Variants in FAM168B observed in about 807,000 individuals in gnomAD.
The protein encoded by FAM168B is myelin-associated neurite-outgrowth inhibitor.
FAM168B carries 19 observed loss-of-function variants against 21.8 expected under a neutral mutation model. The ratio of observed to expected loss-of-function variants is 0.87; its 90% CI spans 0.61 to 1.28. The LOEUF is 1.28. FAM168B is among the 50% of genes most tolerant of loss of function. The probability of loss-of-function intolerance (pLI) is 0.00; values close to 1 mark genes in which losing one functional copy is unlikely to be tolerated. For synonymous variants in FAM168B, 126 were observed against 104.8 expected (o/e 1.20, Z -1.24); for missense variants, 233 against 263.1 (o/e 0.89, Z 0.79).
chr2:131,077,821 A>G (rs1366238004), intron 2 of FAM168B, among the ~76,000 whole-genome samples: 1 of 152,254 alleles, frequency 6.6e-6, no homozygotes, highest in Non-Finnish European at 1.5e-5. Flanking sequence ...CCCAGCAGAC[A>G]GCAAAAACCA....
intron 2 of FAM168B, among the ~76,000 whole-genome samples, chr2:131,075,662 G>T (rs1370708374): frequency 6.6e-6 from 1 of 151,922 alleles, no homozygotes; most frequent in Non-Finnish European, 1.5e-5. Flanking sequence ...CTAATTTTTT[G>T]TATTTTTAGT....
rs935679803 is a variant in FAM168B, at chr2:131,048,492, G to A, written c.*3973C>T. On this transcript the variant is annotated 3_prime_UTR_variant, in exon 7 of 7. Coordinates refer to ENST00000389915, the MANE Select transcript of FAM168B (RefSeq NM_001009993.4). ...CTTCAGTCCTGTGGACCAAGATAAG[G>A]CTATCCCCACAGGCTCTCTCTTCTT... The A allele has an allele frequency of 8.8e-7, 1 of 1,130,272 alleles. No individual in the cohort carries two copies. Among genetic ancestry groups the A allele is most frequent in the Non-Finnish European group, 1.1e-6 (1 of 900,930 alleles). 70.0% of individuals were successfully genotyped at this position (1,130,272 alleles called of 1,614,324 possible).
intron 3 of FAM168B, among the ~76,000 whole-genome samples, chr2:131,061,102 T>C (rs1219770978): frequency 2.0e-5 from 3 of 148,604 alleles, no homozygotes; most frequent in Non-Finnish European, 3.0e-5. Flanking sequence ...CCACCCACCT[T>C]GGCCTCCCAA....
chr2:131,083,450 G>C (rs1460760918), intron 1 of FAM168B, among the ~76,000 whole-genome samples: 1 of 152,212 alleles, frequency 6.6e-6, no homozygotes, highest in Non-Finnish European at 1.5e-5. Flanking sequence ...TGAGGCACAA[G>C]AATCACTTGA....
Position 131,074,727 on chromosome 2 carries a change from G to C in FAM168B, c.71-2789C>G, listed in dbSNP as rs1328492285. On this transcript the variant is annotated intron_variant, in intron 2 of 6. Transcript: ENST00000389915. ...AAGCCCTAAGGTTGAGGTAAAAACA[G>C]GGGGGATCTGAGTGGAATGCCAAAA... Among the ~76,000 whole-genome samples, 4 of 152,100 alleles carry C rather than the reference G, an allele frequency of 2.6e-5. No individual in the cohort carries two copies. The East Asian group carries it at 5.8e-4, about 22-fold the overall frequency.
At chr2:131,070,731 G>A (rs756187363) in intron 3 of FAM168B, among the ~76,000 whole-genome samples, 1 of 152,116 alleles carries the variant, frequency 6.6e-6, no homozygotes, top group Non-Finnish European at 1.5e-5. Flanking sequence ...ACAATAAAAA[G>A]GAATGAACTG....
At chr2:131,074,897 T>G (rs965964201) in intron 2 of FAM168B, among the ~76,000 whole-genome samples, 3 of 152,170 alleles carry the variant, frequency 2.0e-5, no homozygotes, top group African/African-American at 4.8e-5. Flanking sequence ...GAGGCATCAG[T>G]GTCACCAAGC....
At position 131,048,644 on chromosome 2, in the gene FAM168B, TA is replaced by T. The variant is rs926140455; in HGVS notation, c.*3820del. On this transcript the variant is annotated 3_prime_UTR_variant, in exon 7 of 7. Transcript: ENST00000389915. ...CCCTGGAGCCCTCAGGACCTACTGA[TA>T]AAGCATGTCCTCTGCAGTATACTCA... The T allele has an allele frequency of 3.8e-6, 4 of 1,041,696 alleles. No homozygotes were observed. The African/African-American group carries it at 6.8e-5, about 18-fold the overall frequency. 64.5% of individuals were successfully genotyped at this position (1,041,696 alleles called of 1,614,324 possible).
chr2:131,055,626 G>C lies in FAM168B; in HGVS notation c.224C>G (p.Ser75Cys). 1 of 1,612,738 alleles carries C rather than the reference G, an allele frequency of 6.2e-7. No individual in the cohort carries two copies. Among genetic ancestry groups the C allele is most frequent in the Non-Finnish European group, 8.5e-7 (1 of 1,179,316 alleles). ...PTSGAVPPYS[S>C]SPNPYQTAVY... ...GGCAGTCTGGTAGGGGTTCGGGGAG[G>C]AGGAGTACGGTGGCACAGCCCCGCT... The change falls in exon 4 of 7, where the codon TCC (serine) becomes TGC (cysteine). Residue 75 changes from serine (S) to cysteine (C), a missense_variant. Coordinates refer to ENST00000389915, the MANE Select transcript of FAM168B (RefSeq NM_001009993.4).
chr2:131,083,026 G>C (rs1343095538), intron 1 of FAM168B, among the ~76,000 whole-genome samples: 1 of 152,072 alleles, frequency 6.6e-6, no homozygotes, highest in African/African-American at 2.4e-5. Context: ...TTTGAGACCA[G>C]CCTGGCCAAC....
chr2:131,081,855 T>C (rs1002984618), intron 2 of FAM168B, among the ~76,000 whole-genome samples: 2 of 152,242 alleles, frequency 1.3e-5, no homozygotes, highest in South Asian at 2.1e-4. Context: ...AGTTCAGTTA[T>C]ACATTTGTAA....
intron 1 of FAM168B, among the ~76,000 whole-genome samples, chr2:131,084,778 G>A (rs1693598395): frequency 6.6e-6 from 1 of 151,758 alleles, no homozygotes; most frequent in Non-Finnish European, 1.5e-5. Flanking sequence ...ACGTGGTCTC[G>A]CTCTGCCAGT....
Position 131,048,222 on chromosome 2 carries a change from A to C in FAM168B, c.*4243T>G. ...GTTTCTTCTTTAGTTACAATCCATG[A>C]GGCTCTCTAGGGCCTCTCCGTGTGG... On this transcript the variant is annotated 3_prime_UTR_variant, in exon 7 of 7. Coordinates refer to ENST00000389915, the MANE Select transcript of FAM168B (RefSeq NM_001009993.4). 1 of 1,293,292 alleles carries C rather than the reference A, an allele frequency of 7.7e-7. No individual in the cohort carries two copies. The highest frequency in any genetic ancestry group is 1.0e-6 in the Non-Finnish European group (1 of 981,058). The allele number at this position is 1,293,292 out of a possible 1,614,324, so 80.1% of individuals were successfully genotyped here.
intron 2 of FAM168B, among the ~76,000 whole-genome samples, chr2:131,077,685 G>A (rs1693227951): frequency 6.6e-6 from 1 of 152,340 alleles, no homozygotes; most frequent in East Asian, 1.9e-4. Flanking sequence ...AGAAGGCCGT[G>A]GCTGGAGGAC....
At chr2:131,083,482 A>G (rs1693525154) in intron 1 of FAM168B, among the ~76,000 whole-genome samples, 1 of 152,114 alleles carries the variant, frequency 6.6e-6, no homozygotes, top group South Asian at 2.1e-4. Flanking sequence ...GGAGATTAGC[A>G]GTGAGCCAAG....
At chr2:131,070,154 G>A (rs1412402599) in intron 3 of FAM168B, among the ~76,000 whole-genome samples, 2 of 152,104 alleles carry the variant, frequency 1.3e-5, no homozygotes. Context: ...ACCGCGCCCA[G>A]CCTAAACTTT....
intron 3 of FAM168B, among the ~76,000 whole-genome samples, 158 bp downstream of exon 3, chr2:131,071,697 G>A (rs1269779142): frequency 6.6e-6 from 1 of 152,168 alleles, no homozygotes. Flanking sequence ...AGTGCAGTAA[G>A]AATTAAGCTT....
At chr2:131,061,386 G>C (rs1470562668) in intron 3 of FAM168B, among the ~76,000 whole-genome samples, 1 of 151,460 alleles carries the variant, frequency 6.6e-6, no homozygotes, top group Admixed American at 6.6e-5. Flanking sequence ...ACGCTAGCCA[G>C]AAAATCTCCA....
In FAM168B at chr2:131,050,667, T is replaced by C; in HGVS notation, c.*1798A>G. 2.0e-6 allele frequency: 2 copies of C among 985,014 alleles called. No homozygotes were observed. Among genetic ancestry groups the C allele is most frequent in the South Asian group, 4.7e-5 (1 of 21,276 alleles). The allele number at this position is 985,014 out of a possible 1,614,324, so 61.0% of individuals were successfully genotyped here. ...AAATAAGATGTGAAAAAGAAAATTATAAGAAGTACTTACTATAAAAAATAA... is the reference window on the plus strand; with the variant it reads ...AAATAAGATGTGAAAAAGAAAATTACAAGAAGTACTTACTATAAAAAATAA... On this transcript the variant is annotated 3_prime_UTR_variant, in exon 7 of 7. Transcript: ENST00000389915.
Sources: allele counts gnomAD v4.1 joint callset (sites outside exome capture counted in the v4.1 genomes callset), GRCh38; gene constraint gnomAD v4.1.1; transcripts MANE v1.5; gene names NCBI Gene and HGNC (gene_info 2026-07-23, HGNC 2026-07-21).